The following UGT8 variants were observed in gnomAD, a reference collection of about 807,000 sequenced individuals.
UGT8 encodes the protein UDP glycosyltransferase 8.
Under a neutral mutation model 40.5 loss-of-function variants are expected in UGT8, and 12 were observed. The observed-to-expected ratio is 0.30, with a 90% CI of 0.19 to 0.48. The LOEUF is 0.48. UGT8 is among the 20% of genes least tolerant of loss of function. The pLI, the probability that UGT8 is intolerant of heterozygous loss-of-function variation, is 0.99. For synonymous variants in UGT8, 224 were observed against 240.4 expected (o/e 0.93, Z 0.63); for missense variants, 513 against 648.7 (o/e 0.79, Z 2.27).
intron 2 of UGT8, among the ~76,000 whole-genome samples, chr4:114,642,386 A>C (rs1237702073): frequency 1.3e-5 from 2 of 152,136 alleles, no homozygotes; most frequent in Non-Finnish European, 2.9e-5. Context: ...GCCCTCAATG[A>C]GCAGTAGGTA....
At chr4:114,664,822 C>T (rs950410767) in intron 3 of UGT8, among the ~76,000 whole-genome samples, 3 of 152,166 alleles carry the variant, frequency 2.0e-5, no homozygotes, top group African/African-American at 7.2e-5. Context: ...AGGGATACAA[C>T]GTCGGTCCCA....
In UGT8 at chr4:114,676,300, A is replaced by G; in HGVS notation, c.*12A>G. The stretch of plus-strand genomic sequence containing the variant: ...AGAAAGTGAAATGAGCCAACAGCCC[A>G]GGTGATAGAAATAAATTGGTTCACT... On this transcript the variant is annotated 3_prime_UTR_variant, in exon 6 of 6. Transcript: ENST00000310836. 1 of 1,549,854 alleles carries G rather than the reference A, an allele frequency of 6.5e-7. No homozygotes were observed. Among genetic ancestry groups the G allele is most frequent in the Non-Finnish European group, 8.7e-7 (1 of 1,151,226 alleles).
chr4:114,608,250 C>G (rs1289453819), intron 1 of UGT8, among the ~76,000 whole-genome samples: 1 of 152,116 alleles, frequency 6.6e-6, no homozygotes, highest in African/African-American at 2.4e-5. Context: ...TGTCACTTTT[C>G]TGTGACTTTG....
intron 1 of UGT8, among the ~76,000 whole-genome samples, chr4:114,615,891 GGCAGCAGAGGCTGC>G (rs77963261): frequency 0.6 from 90,448 of 149,746 alleles, 30,003 homozygotes; most frequent in East Asian, 0.8. Flanking sequence ...CTGGGTATCA[GGCAGCAGAGGCTGC>G]AGAACAGCGG....
chr4:114,647,571 G>C (rs1048487269), intron 2 of UGT8, among the ~76,000 whole-genome samples: 171 of 152,092 alleles, frequency 1.1e-3, no homozygotes, highest in African/African-American at 4.0e-3. Flanking sequence ...TCACCACATT[G>C]GCCAGACTGG....
Position 114,647,070 on chromosome 4 carries a change from A to G in UGT8, c.823-16925A>G, listed in dbSNP as rs1430881709. Reference sequence around the variant, plus strand: ...ATACACAACTAGAAACAGATTGACAATTTCAGTGGTAAATAATTTATTCTT... The same window carrying G: ...ATACACAACTAGAAACAGATTGACAGTTTCAGTGGTAAATAATTTATTCTT... On this transcript the variant is annotated intron_variant, in intron 2 of 5. Coordinates refer to ENST00000310836, the MANE Select transcript of UGT8 (RefSeq NM_001128174.3). Among the ~76,000 whole-genome samples the G allele has an allele frequency of 5.3e-5, 8 of 152,182 alleles. No individual in the cohort carries two copies. In the East Asian group the frequency reaches 1.2e-3, roughly 22 times the overall value.
chr4:114,632,091 C>T (rs1002906405), intron 2 of UGT8, among the ~76,000 whole-genome samples: 5 of 152,210 alleles, frequency 3.3e-5, no homozygotes, highest in African/African-American at 9.6e-5. Flanking sequence ...TTCATCTTCA[C>T]CATTTGCTTT....
intron 2 of UGT8, among the ~76,000 whole-genome samples, chr4:114,624,403 C>G (rs539779514): frequency 6.6e-6 from 1 of 152,230 alleles, no homozygotes; most frequent in East Asian, 1.9e-4. Context: ...TTAGGTATCC[C>G]ACATTAGCAG....
intron 5 of UGT8, among the ~76,000 whole-genome samples, chr4:114,674,089 T>C (rs1431243013): frequency 6.6e-6 from 1 of 152,214 alleles, no homozygotes; most frequent in Non-Finnish European, 1.5e-5. Flanking sequence ...ACTTAATGTT[T>C]AGGTCTAGAG....
chr4:114,602,718 A>T (rs1305456860), intron 1 of UGT8, among the ~76,000 whole-genome samples: 1 of 152,212 alleles, frequency 6.6e-6, no homozygotes, highest in African/African-American at 2.4e-5. Flanking sequence ...AGAGATACAC[A>T]CACAGTACCC....
chr4:114,629,105 G>A (rs914918198), intron 2 of UGT8, among the ~76,000 whole-genome samples: 2 of 152,000 alleles, frequency 1.3e-5, no homozygotes, highest in Non-Finnish European at 2.9e-5. Flanking sequence ...TTGATCCAGG[G>A]TTGCAGCAGA....
intron 2 of UGT8, among the ~76,000 whole-genome samples, chr4:114,629,888 A>G (rs77208978): frequency 0.061 from 9,262 of 152,276 alleles, 373 homozygotes; most frequent in East Asian, 0.14. Context: ...AGCTTTAATA[A>G]GCCCTAGAGA....
chr4:114,599,486 G>C (rs1268054323), intron 1 of UGT8, among the ~76,000 whole-genome samples: 2 of 152,312 alleles, frequency 1.3e-5, no homozygotes, highest in Non-Finnish European at 2.9e-5. Flanking sequence ...AGGAACAAGA[G>C]CGGGATGTGT....
At chr4:114,667,782 C>A in intron 4 of UGT8, 1 of 620,678 alleles carries the variant, frequency 1.6e-6, no homozygotes, top group Non-Finnish European at 2.0e-6. Flanking sequence ...CTTTCATTGG[C>A]TTCATAATAA....
chr4:114,623,818 G>A (rs960719357), intron 2 of UGT8, 116 bp downstream of exon 2: 84 of 1,355,414 alleles, frequency 6.2e-5, no homozygotes, highest in Middle Eastern at 2.2e-4. Context: ...ACACTAAAAG[G>A]TGATTAGGAC....
At chr4:114,649,665 A>G (rs184219495) in intron 2 of UGT8, among the ~76,000 whole-genome samples, 278 of 152,240 alleles carry the variant, frequency 1.8e-3, no homozygotes, top group Non-Finnish European at 3.6e-3. Context: ...TTGGCTAGCT[A>G]TGTGTCCACA....
chr4:114,649,727 G>T (rs968692146), intron 2 of UGT8, among the ~76,000 whole-genome samples: 5 of 152,086 alleles, frequency 3.3e-5, no homozygotes, highest in African/African-American at 1.2e-4. Flanking sequence ...GCTGCAGTAT[G>T]CCCGGCTAAA....
chr4:114,603,906 A>G (rs1217622992), intron 1 of UGT8, among the ~76,000 whole-genome samples: 1 of 152,234 alleles, frequency 6.6e-6, no homozygotes, highest in Non-Finnish European at 1.5e-5. Flanking sequence ...ACTCGCTCTC[A>G]GAATTCACAG....
chr4:114,661,588 A>G (rs1478326694), intron 2 of UGT8, among the ~76,000 whole-genome samples: 1 of 152,084 alleles, frequency 6.6e-6, no homozygotes, highest in Non-Finnish European at 1.5e-5. Flanking sequence ...CAACCCCTTC[A>G]ATGTTCTCAT....
Sources: gnomAD v4.1 joint callset for allele counts (sites outside exome capture counted in the v4.1 genomes callset) on GRCh38, gnomAD v4.1.1 for gene constraint, MANE v1.5 for transcripts, NCBI Gene and HGNC (gene_info 2026-07-23, HGNC 2026-07-21) for gene names.